COG7: variants seen among roughly 807,000 people sequenced by gnomAD.
COG7 encodes the protein component of oligomeric golgi complex 7.
Under a neutral mutation model 91.5 loss-of-function variants are expected in COG7, and 49 were observed. The observed-to-expected ratio is 0.54, with a 90% CI of 0.43 to 0.68. COG7 has a LOEUF of 0.68. COG7 is among the 30% of genes least tolerant of loss of function. COG7 has a pLI of 0.00. For missense variants in COG7, 895 were observed against 961.3 expected (o/e 0.93, Z 0.91); for synonymous variants, 365 against 388.7 (o/e 0.94, Z 0.72).
At chr16:23,451,304 A>G (rs571001224) in intron 1 of COG7, among the ~76,000 whole-genome samples, 2 of 152,356 alleles carry the variant, frequency 1.3e-5, no homozygotes, top group African/African-American at 4.8e-5. Flanking sequence ...ACTTGTGTGC[A>G]GTACGTACTG....
At chr16:23,421,470 C>T (rs987781040) in intron 7 of COG7, among the ~76,000 whole-genome samples, 4 of 150,094 alleles carry the variant, frequency 2.7e-5, no homozygotes, top group Non-Finnish European at 5.9e-5. Flanking sequence ...AAATAAATTG[C>T]TCTTATAAAT....
At chr16:23,392,549 G>T in intron 15 of COG7, 26 bp from the exon 16 acceptor site, 1 of 1,614,112 alleles carries the variant, frequency 6.2e-7, no homozygotes. Context: ...GGTCACCAAG[G>T]AAAACACAGG....
intron 10 of COG7, among the ~76,000 whole-genome samples, chr16:23,411,351 C>G (rs40817): frequency 0.29 from 44,760 of 152,008 alleles, 7,596 homozygotes; most frequent in African/African-American, 0.47. Flanking sequence ...CATCACCAGG[C>G]TATCTAGGCA....
Position 23,392,458 on chromosome 16 carries a change from T to C in COG7, c.2068A>G (p.Met690Val), listed in dbSNP as rs141629916. The change falls in exon 16 of 17, where the codon ATG (methionine) becomes GTG (valine). Residue 690 changes from methionine (M) to valine (V), a missense_variant. Coordinates refer to ENST00000307149, the MANE Select transcript of COG7 (RefSeq NM_153603.4). ...NWLGSIARAT[M>V]QTYCDAILQI... ...AGGATCGCATCACAGTAGGTCTGCATTGTGGCTCTGGCGATCGAGCCCAGC... is the reference window on the plus strand; with the variant it reads ...AGGATCGCATCACAGTAGGTCTGCACTGTGGCTCTGGCGATCGAGCCCAGC... 2.7e-5 allele frequency: 43 copies of C among 1,614,058 alleles called. No individual in the cohort carries two copies. The East Asian group carries it at 4.5e-4, about 17-fold the overall frequency.
At chr16:23,440,085 C>CAAAAA (rs11294739) in intron 4 of COG7, among the ~76,000 whole-genome samples, 1 of 79,292 alleles carries the variant, frequency 1.3e-5, no homozygotes. Flanking sequence ...CCCATCTATA[C>CAAAAA]AAAAAAAAAA....
chr16:23,425,728 T>C (rs1963835497), intron 6 of COG7, among the ~76,000 whole-genome samples: 1 of 152,166 alleles, frequency 6.6e-6, no homozygotes, highest in South Asian at 2.1e-4. Flanking sequence ...TTTAGAGCTA[T>C]AAGCCCAAAG....
chr16:23,413,794 A>G (rs1320623366), intron 9 of COG7: 1 of 469,560 alleles, frequency 2.1e-6, no homozygotes, highest in African/African-American at 2.0e-5. Context: ...GAGATGCCCA[A>G]GAGGAGAAGG....
In COG7 at chr16:23,445,981, A is replaced by G. The variant is rs760817103; in HGVS notation, c.170-20T>C. On this transcript the variant is annotated intron_variant, in intron 1 of 16. Transcript: ENST00000307149. ...TTGTTTCTGTAGTTAAAAAAAAAAAAAAAAACAACAACAACAGCGATAGCC... is the reference window on the plus strand; with the variant it reads ...TTGTTTCTGTAGTTAAAAAAAAAAAGAAAAACAACAACAACAGCGATAGCC... 1.5e-4 allele frequency: 241 copies of G among 1,607,902 alleles called. No individual in the cohort carries two copies. The highest frequency in any genetic ancestry group is 1.9e-4 in the Non-Finnish European group (227 of 1,179,084).
At chr16:23,392,088 C>A (rs1963206452) in intron 16 of COG7, 1 of 1,315,732 alleles carries the variant, frequency 7.6e-7, no homozygotes, top group Non-Finnish European at 9.8e-7. Flanking sequence ...ATGGAGCGGG[C>A]CAGGTGGGGC....
At chr16:23,436,787 G>A (rs1247596029) in intron 4 of COG7, among the ~76,000 whole-genome samples, 1 of 152,104 alleles carries the variant, frequency 6.6e-6, no homozygotes, top group Non-Finnish European at 1.5e-5. Context: ...CAGGAAACAT[G>A]GCTGATTATA....
Position 23,392,454 on chromosome 16 carries a change from T to G in COG7, c.2072A>C (p.Gln691Pro). 1 of 1,614,206 alleles carries G rather than the reference T, an allele frequency of 6.2e-7. No homozygotes were observed. Among genetic ancestry groups the G allele is most frequent in the Non-Finnish European group, 8.5e-7 (1 of 1,180,046 alleles). The change falls in exon 16 of 17, where the codon CAG becomes CCG. Residue 691 changes from glutamine to proline, a missense_variant. Physicochemically the swap from Gln to Pro is moderately conservative, Grantham distance 76. Coordinates refer to ENST00000307149, the MANE Select transcript of COG7 (RefSeq NM_153603.4). ...WLGSIARATM[Q>P]TYCDAILQIP... ...CTGTAGGATCGCATCACAGTAGGTCTGCATTGTGGCTCTGGCGATCGAGCC... is the reference window on the plus strand; with the variant it reads ...CTGTAGGATCGCATCACAGTAGGTCGGCATTGTGGCTCTGGCGATCGAGCC...
rs745431635 is a variant in COG7 at position 23,424,930 on chromosome 16, G to A, written c.828C>T (p.His276=). 12 of 1,608,772 alleles carry A rather than the reference G, an allele frequency of 7.5e-6. No individual in the cohort carries two copies. Among genetic ancestry groups the A allele is most frequent in the African/African-American group, 2.7e-5 (2 of 74,812 alleles). The change falls in exon 7 of 17, where the codon CAC becomes CAT. Residue 276 remains histidine, a synonymous_variant. Transcript: ENST00000307149. ...QWATQVFQKP[H]EVVMVLLIQT... is the part of the protein sequence containing the mutation. ...GAATCAGCAGCACCATTACCACCTCGTGGGGCTTCTGGAAAACCTGCAGTG... is the reference window on the plus strand; with the variant it reads ...GAATCAGCAGCACCATTACCACCTCATGGGGCTTCTGGAAAACCTGCAGTG...
At position 23,434,652 on chromosome 16, in the gene COG7, T is replaced by C. The variant is rs548705055; in HGVS notation, c.671A>G (p.Tyr224Cys). Residue 224 changes from tyrosine to cysteine, a missense_variant, in exon 5 of 17, where the codon TAC (tyrosine) becomes TGC (cysteine). Tyr to Cys is a radical substitution (Grantham distance 194). Transcript: ENST00000307149. ...GCTTCTTACCTTGTGACACTTGTAG[T>C]AGTAGGCCAGGAGCTGGGGCATCCG... Reference protein sequence around the residue: ...IDRMPQLLAYYYKCHKVQLLA... With the variant: ...IDRMPQLLAYCYKCHKVQLLA... 3 of 1,613,360 alleles carry C rather than the reference T, an allele frequency of 1.9e-6. No individual in the cohort carries two copies. The East Asian group carries it at 6.7e-5, about 36-fold the overall frequency.
rs766841413 is a variant in COG7, at chr16:23,388,971, C to A, written c.2262G>T (p.Leu754=). ...PEDYRQVSKG[L]PRRLATTVAT... Reference sequence around the variant, plus strand: ...CCACGGTGGTGGCCAGGCGACGGGGCAGGCCTTTGCTGACCTGTCTATAGT... The same window carrying A: ...CCACGGTGGTGGCCAGGCGACGGGGAAGGCCTTTGCTGACCTGTCTATAGT... Residue 754 remains leucine, a synonymous_variant, in exon 17 of 17, where the codon CTG becomes CTT. Transcript: ENST00000307149. 3 of 1,614,110 alleles carry A rather than the reference C, an allele frequency of 1.9e-6. No individual in the cohort carries two copies. The highest frequency in any genetic ancestry group is 2.5e-6 in the Non-Finnish European group (3 of 1,180,004).
intron 7 of COG7, among the ~76,000 whole-genome samples, chr16:23,422,113 C>T (rs372620095): frequency 2.0e-5 from 3 of 152,126 alleles, no homozygotes; most frequent in East Asian, 3.9e-4. Context: ...AGTTTGAGAT[C>T]AGCCTGAGCA....
chr16:23,390,858 C>T (rs1047944745), intron 16 of COG7, among the ~76,000 whole-genome samples: 1 of 152,262 alleles, frequency 6.6e-6, no homozygotes, highest in Non-Finnish European at 1.5e-5. Context: ...CACGTACTTA[C>T]TCCTTTACAA....
At chr16:23,398,206 G>T in intron 13 of COG7, 77 bp from the exon 14 acceptor site, 1 of 1,164,644 alleles carries the variant, frequency 8.6e-7, no homozygotes, top group Non-Finnish European at 1.3e-6. Context: ...AAATACACAA[G>T]AAGAACATGG....
intron 11 of COG7, 58 bp from the exon 12 acceptor site, chr16:23,406,320 G>T: frequency 7.0e-7 from 1 of 1,430,156 alleles, no homozygotes; most frequent in Non-Finnish European, 9.8e-7. Context: ...CTTTCTTCTT[G>T]GAGCAGTCAG....
At chr16:23,391,434 AGCT>A (rs1963193754) in intron 16 of COG7, among the ~76,000 whole-genome samples, 1 of 152,200 alleles carries the variant, frequency 6.6e-6, no homozygotes, top group Non-Finnish European at 1.5e-5. Context: ...AAGTGCTGAG[AGCT>A]GACTATGAAA....
Sources: gnomAD v4.1 joint callset for allele counts (sites outside exome capture counted in the v4.1 genomes callset) on GRCh38, gnomAD v4.1.1 for gene constraint, MANE v1.5 for transcripts, NCBI Gene and HGNC (gene_info 2026-07-23, HGNC 2026-07-21) for gene names.